Variants in PLPPR5 observed in about 807,000 individuals in gnomAD.
PLPPR5 encodes phospholipid phosphatase related 5, also known as phospholipid phosphatase-related protein type 5.
A neutral mutation model predicts 33.9 loss-of-function variants in PLPPR5; 16 were observed. The ratio of observed to expected loss-of-function variants is 0.47; its 90% CI spans 0.32 to 0.72. The LOEUF (loss-of-function observed/expected upper bound fraction) is 0.72. Ranked by LOEUF, PLPPR5 falls within the 30% of genes least tolerant of loss-of-function variation. PLPPR5 has a pLI of 0.03. For synonymous variants in PLPPR5, 163 were observed against 150.3 expected, an observed-to-expected ratio of 1.08 and a Z score of -0.62; for missense variants, 301 against 406.7, an observed-to-expected ratio of 0.74 and a Z score of 2.23.
intron 2 of PLPPR5, among the ~76,000 whole-genome samples, chr1:98,954,964 A>G (rs1650947597): frequency 1.4e-5 from 1 of 71,240 alleles, no homozygotes; most frequent in South Asian, 4.8e-4. Flanking sequence ...AAGTTCCCAA[A>G]TGTGTTTGGA....
At chr1:99,001,553 T>C (rs947473099) in intron 1 of PLPPR5, among the ~76,000 whole-genome samples, 5 of 151,520 alleles carry the variant, frequency 3.3e-5, no homozygotes, top group African/African-American at 1.2e-4. Context: ...TATATATTGT[T>C]TTTAATTTTT....
At chr1:98,931,601 C>G (rs886507496) in intron 3 of PLPPR5, among the ~76,000 whole-genome samples, 1 of 152,078 alleles carries the variant, frequency 6.6e-6, no homozygotes, top group Non-Finnish European at 1.5e-5. Context: ...CTGGAGTAGT[C>G]TTCAAGCAGA....
At chr1:98,971,923 C>T (rs2100744131) in intron 1 of PLPPR5, among the ~76,000 whole-genome samples, 4 of 152,194 alleles carry the variant, frequency 2.6e-5, no homozygotes, top group Admixed American at 2.6e-4. Context: ...CATGGTCTCA[C>T]CACTGGGACC....
intron 3 of PLPPR5, among the ~76,000 whole-genome samples, chr1:98,931,776 G>A (rs778891505): frequency 3.7e-4 from 57 of 152,120 alleles, no homozygotes; most frequent in Non-Finnish European, 6.6e-4. Flanking sequence ...AGCTTTGTGT[G>A]CCAAGTGAAG....
At chr1:98,951,937 C>G (rs1302199180) in intron 3 of PLPPR5, among the ~76,000 whole-genome samples, 2 of 152,110 alleles carry the variant, frequency 1.3e-5, no homozygotes, top group Admixed American at 6.5e-5. Flanking sequence ...AGATTTGGCA[C>G]CACTGGGAAG....
intron 5 of PLPPR5, among the ~76,000 whole-genome samples, chr1:98,896,148 A>C (rs1340427170): frequency 6.6e-6 from 1 of 152,032 alleles, no homozygotes; most frequent in East Asian, 1.9e-4. Context: ...TACATTATAC[A>C]ACTTACATTA....
chr1:98,941,555 A>AT (rs60843673), intron 3 of PLPPR5, among the ~76,000 whole-genome samples: 88 of 148,208 alleles, frequency 5.9e-4, no homozygotes, highest in African/African-American at 1.3e-3. Flanking sequence ...TGGTTGTGGG[A>AT]TTTTTTTTTT....
In PLPPR5 at chr1:99,004,437, C is replaced by T. The variant is rs369525525; in HGVS notation, c.235G>A (p.Val79Met). Residue 79 changes from valine to methionine, a missense_variant and splice_region_variant, in exon 1 of 6, where the codon GTG (valine) becomes ATG (methionine). Val to Met is a conservative substitution (Grantham distance 21, BLOSUM62 1). Coordinates refer to ENST00000263177, the MANE Select transcript of PLPPR5 (RefSeq NM_001037317.2). ...AGGGCGAGCGCCCCCGGGCTTACCA[C>T]GAGCACGGGGACCCCGGCGGCCAGC... ...YSLAAGVPVL[V>M]IIVGETAVFC... is the part of the protein sequence containing the mutation. The T allele has an allele frequency of 3.3e-5, 53 of 1,602,722 alleles. No individual in the cohort carries two copies. The Admixed American group carries it at 9.0e-4, about 27-fold the overall frequency.
intron 1 of PLPPR5, among the ~76,000 whole-genome samples, chr1:99,003,535 C>A (rs1411526411): frequency 1.3e-5 from 2 of 152,078 alleles, no homozygotes; most frequent in Non-Finnish European, 2.9e-5. Context: ...ACCAACAATT[C>A]TCCTAAGAAT....
intron 3 of PLPPR5, among the ~76,000 whole-genome samples, chr1:98,950,625 C>T (rs1044728299): frequency 2.0e-5 from 3 of 152,172 alleles, no homozygotes; most frequent in Non-Finnish European, 4.4e-5. Context: ...GCACAATCAA[C>T]ACCACTGGCA....
intron 1 of PLPPR5, among the ~76,000 whole-genome samples, chr1:98,986,692 C>T (rs1012302629): frequency 1.5e-4 from 22 of 151,620 alleles, no homozygotes; most frequent in South Asian, 8.3e-4. Context: ...GAATTTTATG[C>T]GTGATAAAGC....
At chr1:99,003,530 C>T (rs1448160384) in intron 1 of PLPPR5, among the ~76,000 whole-genome samples, 1 of 152,092 alleles carries the variant, frequency 6.6e-6, no homozygotes, top group Non-Finnish European at 1.5e-5. Context: ...GAAACACCAA[C>T]AATTCTCCTA....
At chr1:98,929,999 T>C (rs1350527536) in intron 3 of PLPPR5, among the ~76,000 whole-genome samples, 1 of 152,228 alleles carries the variant, frequency 6.6e-6, no homozygotes, top group Admixed American at 6.5e-5. Context: ...GCAAAATATA[T>C]TTGATTGCTA....
In PLPPR5 at chr1:98,891,574, C is replaced by G. The variant is rs1008837490; in HGVS notation, c.*1498G>C. The stretch of plus-strand genomic sequence containing the variant: ...TAAGGTATGTCCCTTGGGCACTCTG[C>G]TGAGTGGGAGGCTGGGACCTGGGGG... On this transcript the variant is annotated 3_prime_UTR_variant, in exon 6 of 6. Coordinates refer to ENST00000263177, the MANE Select transcript of PLPPR5 (RefSeq NM_001037317.2). The G allele has an allele frequency of 1.3e-5, 2 of 151,954 alleles. No homozygotes were observed. Among genetic ancestry groups the G allele is most frequent in the Non-Finnish European group, 2.9e-5 (2 of 67,966 alleles). The allele number at this position is 151,954 out of a possible 1,614,324, so 9.4% of individuals were successfully genotyped here. A position where few individuals can be genotyped will look rare whatever the true frequency, so the allele number is the denominator to read the frequency against.
rs116620856 is a variant in PLPPR5 at position 98,896,591 on chromosome 1, A to G, written c.934-3487T>C. Among the ~76,000 whole-genome samples the G allele has an allele frequency of 6.3e-3, 965 of 152,228 alleles. 13 individuals are homozygous for G. The highest frequency in any genetic ancestry group is 0.022 in the African/African-American group (929 of 41,550). ...ATAGTTGTAGATTAGAATATGCTAC[A>G]TGAAGCATCCATTAGAAAGTGTTCA... On this transcript the variant is annotated intron_variant, in intron 5 of 5. Coordinates refer to ENST00000263177, the MANE Select transcript of PLPPR5 (RefSeq NM_001037317.2).
intron 1 of PLPPR5, among the ~76,000 whole-genome samples, chr1:99,002,605 A>T (rs1010434559): frequency 1.3e-5 from 2 of 152,188 alleles, no homozygotes; most frequent in African/African-American, 4.8e-5. Flanking sequence ...AGTAGGCACT[A>T]AATAGTGACT....
intron 1 of PLPPR5, among the ~76,000 whole-genome samples, chr1:98,975,149 A>G (rs1444364163): frequency 6.6e-6 from 1 of 152,006 alleles, no homozygotes; most frequent in Non-Finnish European, 1.5e-5. Flanking sequence ...AATCGTCAGG[A>G]GAGTCTACCC....
intron 1 of PLPPR5, among the ~76,000 whole-genome samples, chr1:98,963,326 T>A (rs1323093018): frequency 6.6e-6 from 1 of 152,236 alleles, no homozygotes; most frequent in South Asian, 2.1e-4. Context: ...ATAATTTGCA[T>A]ATGCGTTTAT....
intron 5 of PLPPR5, among the ~76,000 whole-genome samples, chr1:98,908,191 A>T (rs1648977939): frequency 6.6e-6 from 1 of 152,154 alleles, no homozygotes; most frequent in African/African-American, 2.4e-5. Context: ...GACATTATTG[A>T]GGCTGCACAG....
Sources: allele counts gnomAD v4.1 joint callset (sites outside exome capture counted in the v4.1 genomes callset), GRCh38; gene constraint gnomAD v4.1.1; transcripts MANE v1.5; gene names NCBI Gene and HGNC (gene_info 2026-07-23, HGNC 2026-07-21).